The following PARVA variants were observed in gnomAD, a reference collection of about 807,000 sequenced individuals.
The protein encoded by PARVA is alpha-parvin.
In PARVA, 25 loss-of-function variants were observed where a neutral mutation model predicts 52.6. That is an observed-to-expected ratio of 0.48 (90% CI 0.35 to 0.66). PARVA has a LOEUF of 0.66. PARVA is among the 30% of genes least tolerant of loss of function. The probability of loss-of-function intolerance (pLI) is 0.01; values close to 1 mark genes in which losing one functional copy is unlikely to be tolerated. For synonymous variants in PARVA, 185 were observed against 179.1 expected (o/e 1.03, Z -0.26); for missense variants, 373 against 450.9 (o/e 0.83, Z 1.56).
intron 7 of PARVA, among the ~76,000 whole-genome samples, chr11:12,510,853 G>C (rs61116873): frequency 1.1e-3 from 163 of 152,234 alleles, no homozygotes; most frequent in African/African-American, 3.8e-3. Context: ...TTGAGATTTG[G>C]GGAGGGACAC....
intron 12 of PARVA, 23 bp downstream of exon 12, chr11:12,518,540 T>C: frequency 6.3e-7 from 1 of 1,578,346 alleles, no homozygotes; most frequent in Non-Finnish European, 8.7e-7. Context: ...TTCCTGGGTT[T>C]GTGACAACAG....
At chr11:12,440,033 A>G (rs1365910593) in intron 1 of PARVA, among the ~76,000 whole-genome samples, 3 of 152,016 alleles carry the variant, frequency 2.0e-5, no homozygotes, top group Admixed American at 6.5e-5. Flanking sequence ...TTGCCTTTCC[A>G]TTGTTTCTCT....
chr11:12,500,573 T>A lies in PARVA; in HGVS notation c.542-3741T>A, dbSNP rs575352518. Among the ~76,000 whole-genome samples the A allele has an allele frequency of 4.6e-5, 7 of 152,190 alleles. No homozygotes were observed. In the South Asian group the frequency reaches 1.5e-3, roughly 32 times the overall value. The stretch of plus-strand genomic sequence containing the variant: ...GGAAGGCCAAGGTGGGTGGATCACC[T>A]GAGGTCAGGACTTTGAGACCAGCCT... On this transcript the variant is annotated intron_variant, in intron 5 of 12. Coordinates refer to ENST00000334956, the MANE Select transcript of PARVA (RefSeq NM_018222.5).
intron 1 of PARVA, among the ~76,000 whole-genome samples, chr11:12,405,036 C>A (rs56214667): frequency 0.084 from 12,730 of 152,204 alleles, 620 homozygotes; most frequent in African/African-American, 0.14. Context: ...CTCATTTAAA[C>A]CCTTTTAGCC....
chr11:12,394,476 C>T (rs1201583759), intron 1 of PARVA, among the ~76,000 whole-genome samples: 1 of 152,094 alleles, frequency 6.6e-6, no homozygotes, highest in Non-Finnish European at 1.5e-5. Flanking sequence ...CCAAAAATGT[C>T]CTTATCTTTT....
At chr11:12,391,896 A>G (rs1046862710) in intron 1 of PARVA, among the ~76,000 whole-genome samples, 2 of 152,152 alleles carry the variant, frequency 1.3e-5, no homozygotes, top group South Asian at 2.1e-4. Context: ...ACCCATTTAA[A>G]TGGCATAATT....
At chr11:12,505,259 G>A (rs1377714332) in intron 6 of PARVA, among the ~76,000 whole-genome samples, 3 of 152,206 alleles carry the variant, frequency 2.0e-5, no homozygotes, top group Admixed American at 2.0e-4. Context: ...GCAGCTCCCT[G>A]GCGATCCAGG....
intron 1 of PARVA, among the ~76,000 whole-genome samples, chr11:12,414,938 C>T (rs905768301): frequency 2.0e-5 from 3 of 152,110 alleles, no homozygotes; most frequent in Non-Finnish European, 4.4e-5. Context: ...ATCTTTCCTC[C>T]CTAAGGAGGA....
chr11:12,468,367 C>A (rs74913947), intron 1 of PARVA, among the ~76,000 whole-genome samples: 313 of 152,322 alleles, frequency 2.1e-3, no homozygotes, highest in African/African-American at 7.1e-3. Flanking sequence ...TATTTAGAGA[C>A]CTCTGTCTAT....
chr11:12,491,808 A>C (rs1941237411), intron 4 of PARVA, among the ~76,000 whole-genome samples: 1 of 152,228 alleles, frequency 6.6e-6, no homozygotes, highest in African/African-American at 2.4e-5. Flanking sequence ...AAGTTCATAG[A>C]GAATATTTGA....
intron 4 of PARVA, among the ~76,000 whole-genome samples, chr11:12,484,191 A>G (rs1383948967): frequency 6.6e-6 from 1 of 152,224 alleles, no homozygotes; most frequent in African/African-American, 2.4e-5. Flanking sequence ...TTCCAGGAAG[A>G]TGCCTATACA....
intron 5 of PARVA, among the ~76,000 whole-genome samples, chr11:12,502,685 CA>C (rs1400103980): frequency 2.6e-5 from 4 of 151,954 alleles, no homozygotes; most frequent in Non-Finnish European, 4.4e-5. Flanking sequence ...GATAGGGGCA[CA>C]CAAATGTTCA....
At chr11:12,426,727 G>T (rs144471954) in intron 1 of PARVA, among the ~76,000 whole-genome samples, 6 of 152,208 alleles carry the variant, frequency 3.9e-5, no homozygotes, top group Middle Eastern at 3.4e-3. Flanking sequence ...AGGTTGTCTT[G>T]TGCCTCCAGA....
chr11:12,423,939 A>C (rs1049729713), intron 1 of PARVA, among the ~76,000 whole-genome samples: 1 of 151,900 alleles, frequency 6.6e-6, no homozygotes, highest in Admixed American at 6.6e-5. Context: ...TTGTGTATTT[A>C]TTTTTCTTTA....
chr11:12,474,152 C>T (rs2288292), intron 3 of PARVA, among the ~76,000 whole-genome samples, 169 bp downstream of exon 3: 20,813 of 151,974 alleles, frequency 0.14, 1,704 homozygotes, highest in Middle Eastern at 0.21. Flanking sequence ...AAAACGTAAC[C>T]GATTGTTTAA....
At chr11:12,384,478 T>C (rs774914246) in intron 1 of PARVA, among the ~76,000 whole-genome samples, 3 of 152,150 alleles carry the variant, frequency 2.0e-5, no homozygotes, top group African/African-American at 7.2e-5. Context: ...ACAAGATAAA[T>C]TGGTAATGTT....
chr11:12,526,463 T>G (rs1941702549), intron 12 of PARVA, among the ~76,000 whole-genome samples: 2 of 152,316 alleles, frequency 1.3e-5, no homozygotes, highest in East Asian at 3.9e-4. Flanking sequence ...CAGTTGTTTT[T>G]TAATCATTTT....
chr11:12,508,139 T>G (rs546197478), intron 6 of PARVA, among the ~76,000 whole-genome samples: 3 of 126,330 alleles, frequency 2.4e-5, no homozygotes, highest in Admixed American at 8.1e-5. Context: ...AAAAAAACCC[T>G]CTGCCTCTTG....
intron 12 of PARVA, among the ~76,000 whole-genome samples, chr11:12,526,237 T>C (rs1216334646): frequency 6.6e-6 from 1 of 152,176 alleles, no homozygotes; most frequent in Non-Finnish European, 1.5e-5. Flanking sequence ...AAAATCTTTT[T>C]TTTTAAAAGT....
Sources: allele counts gnomAD v4.1 joint callset (sites outside exome capture counted in the v4.1 genomes callset), GRCh38; gene constraint gnomAD v4.1.1; transcripts MANE v1.5; gene names NCBI Gene and HGNC (gene_info 2026-07-23, HGNC 2026-07-21).